CPQ: variants seen among roughly 807,000 people sequenced by gnomAD.
CPQ encodes the protein carboxypeptidase Q.
In CPQ, 37 loss-of-function variants were observed where a neutral mutation model predicts 45.7. That is an observed-to-expected ratio of 0.81 (90% CI 0.62 to 1.07). CPQ has a LOEUF of 1.07. CPQ is among the 50% of genes least tolerant of loss of function. The pLI, the probability that CPQ is intolerant of heterozygous loss-of-function variation, is 0.00. For synonymous variants in CPQ, 186 were observed against 205.8 expected (o/e 0.90, Z 0.82); for missense variants, 537 against 572.9 (o/e 0.94, Z 0.64).
chr8:97,081,980 T>A (rs1810958081), intron 7 of CPQ, among the ~76,000 whole-genome samples: 1 of 152,190 alleles, frequency 6.6e-6, no homozygotes, highest in South Asian at 2.1e-4. Flanking sequence ...TGGCACAAAG[T>A]TAACACTTAA....
At chr8:97,093,011 A>G (rs1273214497) in intron 7 of CPQ, 3 of 152,212 alleles carry the variant, frequency 2.0e-5, no homozygotes, top group African/African-American at 7.2e-5. Context: ...GGCAAAAGAC[A>G]TGAACAGACA....
intron 4 of CPQ, among the ~76,000 whole-genome samples, chr8:96,892,367 T>C (rs1812388705): frequency 6.6e-6 from 1 of 152,180 alleles, no homozygotes; most frequent in African/African-American, 2.4e-5. Context: ...AAAACCTTCT[T>C]AGTGGGAACA....
At chr8:96,698,681 A>C (rs1177133798) in intron 1 of CPQ, among the ~76,000 whole-genome samples, 1 of 152,154 alleles carries the variant, frequency 6.6e-6, no homozygotes, top group African/African-American at 2.4e-5. Context: ...AAAAATGGGC[A>C]AAAGATGAAT....
chr8:96,915,895 C>A (rs979125724), intron 4 of CPQ, among the ~76,000 whole-genome samples: 6 of 152,162 alleles, frequency 3.9e-5, no homozygotes, highest in Admixed American at 2.6e-4. Flanking sequence ...GGCCAAGTGG[C>A]ATCCCAATTA....
chr8:96,718,801 TAC>T (rs1264332098), intron 1 of CPQ, among the ~76,000 whole-genome samples: 1 of 152,076 alleles, frequency 6.6e-6, no homozygotes, highest in Non-Finnish European at 1.5e-5. Flanking sequence ...ATTAACTAGA[TAC>T]AGAGTGTCAA....
At chr8:96,839,949 A>G (rs1811584970) in intron 3 of CPQ, among the ~76,000 whole-genome samples, 1 of 152,108 alleles carries the variant, frequency 6.6e-6, no homozygotes, top group South Asian at 2.1e-4. Context: ...GTTCAGAATG[A>G]TTAATGGCTT....
chr8:96,769,608 G>A (rs2130797306), intron 1 of CPQ, among the ~76,000 whole-genome samples: 1 of 148,492 alleles, frequency 6.7e-6, no homozygotes, highest in South Asian at 2.1e-4. Context: ...AGAGTTCATA[G>A]TTGGTTCTGT....
intron 4 of CPQ, among the ~76,000 whole-genome samples, chr8:96,946,126 T>A (rs182248370): frequency 6.6e-6 from 1 of 152,070 alleles, no homozygotes; most frequent in Non-Finnish European, 1.5e-5. Context: ...GTTATCCAGC[T>A]CCTCTTGCAT....
rs1390093632 is a variant in CPQ at position 97,123,066 on chromosome 8, A to ATAAAATAAATAAAATAAAATAAAATAAAT, written c.1256-19954_1256-19953insTAAAATAAATAAAATAAAATAAAATAAAT. On this transcript the variant is annotated intron_variant, in intron 7 of 7. Transcript: ENST00000220763. ...AATAAATAAAATAAAATAAAATAAA[A>ATAAAATAAATAAAATAAAATAAAATAAAT]AAAATAAAATAAAATAAATAAAATA... is the stretch of plus-strand genomic sequence containing the variant. Among the ~76,000 whole-genome samples the ATAAAATAAATAAAATAAAATAAAATAAAT allele has an allele frequency of 1.0e-4, 5 of 47,814 alleles. 1 individual carries two copies. The highest frequency in any genetic ancestry group is 7.5e-4 in the African/African-American group (5 of 6,668). The allele number at this position is 47,814 out of a possible 152,430, so 31.4% of individuals were successfully genotyped here. A position where few individuals can be genotyped will look rare whatever the true frequency, so the allele number is the denominator to read the frequency against.
chr8:96,781,232 G>C (rs921473369), intron 1 of CPQ, among the ~76,000 whole-genome samples: 25 of 152,254 alleles, frequency 1.6e-4, no homozygotes, highest in Non-Finnish European at 1.0e-4. Flanking sequence ...TCTATTTTGT[G>C]CTGCTATAAC....
At chr8:96,828,398 C>T (rs1053202154) in intron 2 of CPQ, among the ~76,000 whole-genome samples, 1 of 151,944 alleles carries the variant, frequency 6.6e-6, no homozygotes, top group African/African-American at 2.4e-5. Context: ...TTTCTGCTTA[C>T]TTTCTCATCT....
rs146277023 is a variant in CPQ at position 97,083,016 on chromosome 8, G to A, written c.1255+16806G>A. Among the ~76,000 whole-genome samples the A allele has an allele frequency of 2.7e-3, 411 of 152,266 alleles. 1 individual carries two copies. The highest frequency in any genetic ancestry group is 0.01 in the Middle Eastern group (3 of 294). On this transcript the variant is annotated intron_variant, in intron 7 of 7. Coordinates refer to ENST00000220763, the MANE Select transcript of CPQ (RefSeq NM_016134.4). ...CACTTGTGGTGGAGAGGCAACAAGT[G>A]TCATGAAAGAGCAACAAGATTCATC...
chr8:96,968,954 A>C (rs906993873), intron 5 of CPQ, among the ~76,000 whole-genome samples: 1 of 152,194 alleles, frequency 6.6e-6, no homozygotes, highest in African/African-American at 2.4e-5. Context: ...GGTTTACTGG[A>C]CTTGAAACTG....
intron 4 of CPQ, among the ~76,000 whole-genome samples, chr8:96,952,645 C>A (rs1489019441): frequency 1.3e-5 from 2 of 151,816 alleles, no homozygotes; most frequent in Non-Finnish European, 2.9e-5. Flanking sequence ...CTTTAGCCTG[C>A]AAATAGAGAA....
intron 1 of CPQ, among the ~76,000 whole-genome samples, chr8:96,742,694 T>C (rs1168483083): frequency 2.0e-5 from 3 of 152,196 alleles, no homozygotes; most frequent in Non-Finnish European, 4.4e-5. Flanking sequence ...CTCTCAGCAT[T>C]TGCTTGTCTG....
At chr8:97,084,235 A>G (rs1811003008) in intron 7 of CPQ, among the ~76,000 whole-genome samples, 1 of 152,180 alleles carries the variant, frequency 6.6e-6, no homozygotes, top group Non-Finnish European at 1.5e-5. Flanking sequence ...GAAGTGAAGG[A>G]ACATATTTCC....
chr8:96,733,917 A>T (rs1434596324), intron 1 of CPQ, among the ~76,000 whole-genome samples: 1 of 152,178 alleles, frequency 6.6e-6, no homozygotes, highest in African/African-American at 2.4e-5. Flanking sequence ...TTTCAGTTAG[A>T]CTATCTTCTT....
chr8:97,109,631 T>C (rs1811466605), intron 7 of CPQ, among the ~76,000 whole-genome samples: 1 of 152,142 alleles, frequency 6.6e-6, no homozygotes, highest in South Asian at 2.1e-4. Context: ...CCTGCAAACA[T>C]GCTACACACA....
At chr8:97,138,665 G>T (rs1443749817) in intron 7 of CPQ, among the ~76,000 whole-genome samples, 2 of 152,160 alleles carry the variant, frequency 1.3e-5, no homozygotes, top group African/African-American at 4.8e-5. Flanking sequence ...ATCTATAGAA[G>T]TAAGAAAACC....
Sources: allele counts gnomAD v4.1 joint callset (sites outside exome capture counted in the v4.1 genomes callset), GRCh38; gene constraint gnomAD v4.1.1; transcripts MANE v1.5; gene names NCBI Gene and HGNC (gene_info 2026-07-23, HGNC 2026-07-21).